OSBPL9: variants seen among roughly 807,000 people sequenced by gnomAD.
OSBPL9 encodes oxysterol binding protein like 9, also known as oxysterol-binding protein-related protein 9.
Under a neutral mutation model 106.6 loss-of-function variants are expected in OSBPL9, and 40 were observed. The ratio of observed to expected loss-of-function variants is 0.38; its 90% CI spans 0.29 to 0.49. OSBPL9 has a LOEUF of 0.49. OSBPL9 is among the 20% of genes least tolerant of loss of function. The pLI, the probability that OSBPL9 is intolerant of heterozygous loss-of-function variation, is 0.97. For synonymous variants in OSBPL9, 269 were observed against 295.4 expected (o/e 0.91, Z 0.92); for missense variants, 609 against 887.2 (o/e 0.69, Z 3.98).
intron 2 of OSBPL9, among the ~76,000 whole-genome samples, chr1:51,606,907 G>A (rs916517882): frequency 1.3e-5 from 2 of 151,804 alleles, no homozygotes; most frequent in Non-Finnish European, 2.9e-5. Context: ...AAAATTAGCC[G>A]GGCATGGTGG....
intron 1 of OSBPL9, among the ~76,000 whole-genome samples, chr1:51,634,875 G>A (rs1239273074): frequency 1.3e-5 from 2 of 152,184 alleles, no homozygotes; most frequent in African/African-American, 4.8e-5. Context: ...GAGAGAATAA[G>A]AACCAAGGGA....
intron 2 of OSBPL9, among the ~76,000 whole-genome samples, chr1:51,658,338 T>C (rs997792471): frequency 6.6e-6 from 1 of 152,154 alleles, no homozygotes; most frequent in Non-Finnish European, 1.5e-5. Flanking sequence ...ACACGGTGTT[T>C]GGAGCTTAAT....
intron 15 of OSBPL9, among the ~76,000 whole-genome samples, chr1:51,779,813 C>T (rs12093769): frequency 1.4e-3 from 217 of 152,248 alleles, no homozygotes; most frequent in African/African-American, 4.9e-3. Context: ...CGCGGTGGCT[C>T]ACACCTGTAA....
intron 1 of OSBPL9, among the ~76,000 whole-genome samples, chr1:51,622,890 T>C (rs1399296628): frequency 6.6e-6 from 1 of 152,216 alleles, no homozygotes; most frequent in Non-Finnish European, 1.5e-5. Context: ...CTTTATCTTT[T>C]GAAAAGAATT....
chr1:51,633,602 TAAATAAAATAAAATAAAATA>T (rs140884503), intron 1 of OSBPL9, among the ~76,000 whole-genome samples: 3 of 149,394 alleles, frequency 2.0e-5, no homozygotes, highest in Non-Finnish European at 4.4e-5. Flanking sequence ...AAAAATAAAG[TAAATAAAATAAAATAAAATA>T]AAATAAAATA....
chr1:51,780,855 G>C (rs994542114), intron 15 of OSBPL9, among the ~76,000 whole-genome samples: 3 of 152,100 alleles, frequency 2.0e-5, no homozygotes, highest in Non-Finnish European at 4.4e-5. Context: ...TGGATATAGT[G>C]TACACTGCTT....
chr1:51,631,280 G>T (rs988391656), intron 1 of OSBPL9, among the ~76,000 whole-genome samples: 2 of 152,126 alleles, frequency 1.3e-5, no homozygotes, highest in Non-Finnish European at 2.9e-5. Flanking sequence ...GGTGGTGCAT[G>T]CCTGTAATCT....
intron 3 of OSBPL9, among the ~76,000 whole-genome samples, chr1:51,691,319 G>A (rs1313016600): frequency 5.0e-5 from 6 of 119,404 alleles, no homozygotes; most frequent in Admixed American, 1.1e-4. Context: ...TCACTCTGTC[G>A]CCCAGGCTGG....
the OSBPL9 span, among the ~76,000 whole-genome samples, chr1:51,545,298 C>A: frequency 1.3e-5 from 2 of 152,036 alleles, no homozygotes; most frequent in Non-Finnish European, 2.9e-5. Context: ...GAACAATAGA[C>A]AAATACATAG....
rs188622177 is a variant in OSBPL9, at chr1:51,787,528, C to T, written c.2136+40C>T. ...CCCACCCTCCTAAGTGCTGTTCCTC[C>T]TAATTTATTTCAGTGAATGTTGAAG... On this transcript the variant is annotated intron_variant, in intron 23 of 23. Coordinates refer to ENST00000428468, the MANE Select transcript of OSBPL9 (RefSeq NM_024586.6). The T allele has an allele frequency of 3.1e-6, 5 of 1,610,978 alleles. No individual in the cohort carries two copies. The African/African-American group carries it at 4.0e-5, about 13-fold the overall frequency.
rs1354363436 is a variant in OSBPL9 at position 51,785,955 on chromosome 1, C to T, written c.1908+69C>T. On this transcript the variant is annotated intron_variant, in intron 21 of 23. Transcript: ENST00000428468. Reference sequence around the variant, plus strand: ...TGTACTCTATCCCTTTTTCTGGCTTCCTTCATTAGTACTTCCTTCATAATG... The same window carrying T: ...TGTACTCTATCCCTTTTTCTGGCTTTCTTCATTAGTACTTCCTTCATAATG... The T allele has an allele frequency of 3.1e-6, 4 of 1,277,900 alleles. No individual in the cohort carries two copies. The African/African-American group carries it at 6.0e-5, about 19-fold the overall frequency. The allele number at this position is 1,277,900 out of a possible 1,614,324, so 79.2% of individuals were successfully genotyped here.
intron 1 of OSBPL9, among the ~76,000 whole-genome samples, chr1:51,591,745 T>C (rs1341413412): frequency 6.6e-6 from 1 of 151,812 alleles, no homozygotes; most frequent in Non-Finnish European, 1.5e-5. Flanking sequence ...TGAGCTGAGA[T>C]CATGCCACTG....
Position 51,776,820 on chromosome 1 carries a change from G to T in OSBPL9, c.1171-13G>T. Reference sequence around the variant, plus strand: ...AATTTGATCTTCAAGGGTCAAATGTGTATGTTTTTCAGGTAGTTCTTCCAA... The same window carrying T: ...AATTTGATCTTCAAGGGTCAAATGTTTATGTTTTTCAGGTAGTTCTTCCAA... On this transcript the variant is annotated splice_polypyrimidine_tract_variant and intron_variant, in intron 14 of 23. Coordinates refer to ENST00000428468, the MANE Select transcript of OSBPL9 (RefSeq NM_024586.6). 8 of 1,540,262 alleles carry T rather than the reference G, an allele frequency of 5.2e-6. No individual in the cohort carries two copies. Among genetic ancestry groups the T allele is most frequent in the African/African-American group, 1.4e-5 (1 of 73,186 alleles).
chr1:51,779,236 C>T (rs1675760414), intron 15 of OSBPL9, among the ~76,000 whole-genome samples: 1 of 152,082 alleles, frequency 6.6e-6, no homozygotes, highest in Non-Finnish European at 1.5e-5. Context: ...AATAGAGAAC[C>T]CAGAAATAAA....
At chr1:51,633,565 C>A (rs548844309) in intron 1 of OSBPL9, among the ~76,000 whole-genome samples, 44 of 150,782 alleles carry the variant, frequency 2.9e-4, no homozygotes, top group African/African-American at 9.5e-4. Context: ...CACTCCAGCC[C>A]GGGCAACAGA....
intron 2 of OSBPL9, among the ~76,000 whole-genome samples, chr1:51,654,847 A>C (rs1182890137): frequency 6.6e-6 from 1 of 152,184 alleles, no homozygotes; most frequent in African/African-American, 2.4e-5. Context: ...GATTCCACTT[A>C]TGTGGGATTC....
chr1:51,534,203 C>CAA, the OSBPL9 span, among the ~76,000 whole-genome samples: 2 of 137,480 alleles, frequency 1.5e-5, no homozygotes, highest in African/African-American at 5.3e-5. Flanking sequence ...GACTACATCT[C>CAA]AAAAAAAAAA....
At position 51,789,134 on chromosome 1, in the gene OSBPL9, T is replaced by G. The variant is rs1678411366; in HGVS notation, c.*1345T>G. 12 of 1,124,508 alleles carry G rather than the reference T, an allele frequency of 1.1e-5. No homozygotes were observed. The highest frequency in any genetic ancestry group is 1.6e-5 in the Non-Finnish European group (12 of 750,008). 69.7% of individuals were successfully genotyped at this position (1,124,508 alleles called of 1,614,324 possible). A position where few individuals can be genotyped will look rare whatever the true frequency, so the allele number is the denominator to read the frequency against. ...AAATGCTATGATGCCAGTGCAAAAC[T>G]TCAATGGAAGCCCTAAGGCAGTAGT... On this transcript the variant is annotated 3_prime_UTR_variant, in exon 24 of 24. Coordinates refer to ENST00000428468, the MANE Select transcript of OSBPL9 (RefSeq NM_024586.6).
intron 1 of OSBPL9, among the ~76,000 whole-genome samples, chr1:51,620,874 T>C (rs2148623689): frequency 6.6e-6 from 1 of 152,284 alleles, no homozygotes; most frequent in Non-Finnish European, 1.5e-5. Flanking sequence ...TATTTATTCA[T>C]TTATTTTGAT....
Sources: allele counts gnomAD v4.1 joint callset (sites outside exome capture counted in the v4.1 genomes callset), GRCh38; gene constraint gnomAD v4.1.1; transcripts MANE v1.5; gene names NCBI Gene and HGNC (gene_info 2026-07-23, HGNC 2026-07-21).